The following RAB6A variants were observed in gnomAD, a reference collection of about 807,000 sequenced individuals.
RAB6A encodes the protein ras-related protein Rab-6A.
RAB6A carries 8 observed loss-of-function variants against 32.3 expected under a neutral mutation model. That is an observed-to-expected ratio of 0.25 (90% CI 0.15 to 0.45). The LOEUF (loss-of-function observed/expected upper bound fraction) is 0.45, where lower values mean the gene tolerates loss of function less well. Among genes scored for constraint, RAB6A ranks in the 20% least tolerant of loss-of-function variants. The pLI is 1.00. For synonymous variants in RAB6A, 73 were observed against 82.1 expected, an observed-to-expected ratio of 0.89 and a Z score of 0.60; for missense variants, 104 against 249.4, an observed-to-expected ratio of 0.42 and a Z score of 3.93.
intron 2 of RAB6A, 96 bp from the exon 3 acceptor site, chr11:73,720,995 G>A (rs1022936210): frequency 6.7e-6 from 6 of 893,410 alleles, no homozygotes; most frequent in Non-Finnish European, 1.1e-5. Context: ...AAGAAATAAT[G>A]AATAAACAAA....
At chr11:73,710,466 G>C (rs1166623891) in intron 5 of RAB6A, among the ~76,000 whole-genome samples, 1 of 151,640 alleles carries the variant, frequency 6.6e-6, no homozygotes, top group African/African-American at 2.4e-5. Flanking sequence ...AGCCGGGTGT[G>C]GTGGCTCACA....
At chr11:73,746,181 T>C (rs558956058) in intron 1 of RAB6A, among the ~76,000 whole-genome samples, 2 of 150,840 alleles carry the variant, frequency 1.3e-5, no homozygotes, top group African/African-American at 4.9e-5. Context: ...AAAAAAAAGC[T>C]GTTGTAAGCT....
intron 2 of RAB6A, among the ~76,000 whole-genome samples, chr11:73,723,042 A>C (rs1000754229): frequency 1.3e-5 from 2 of 152,078 alleles, no homozygotes; most frequent in Non-Finnish European, 2.9e-5. Flanking sequence ...CCTGGCCTCA[A>C]GTGATTCCCC....
chr11:73,746,734 C>G (rs1339513764), intron 1 of RAB6A, among the ~76,000 whole-genome samples: 1 of 151,042 alleles, frequency 6.6e-6, no homozygotes, highest in Non-Finnish European at 1.5e-5. Flanking sequence ...ACACTCCAAC[C>G]AGGGAGACGT....
chr11:73,760,130 G>C (rs1445722156), intron 1 of RAB6A: 1 of 1,293,042 alleles, frequency 7.7e-7, no homozygotes, highest in Admixed American at 2.3e-5. Context: ...CAAGGTTGAA[G>C]AGGGCCCGCT....
chr11:73,724,451 C>T (rs1946186086), intron 2 of RAB6A, among the ~76,000 whole-genome samples: 1 of 150,598 alleles, frequency 6.6e-6, no homozygotes, highest in Non-Finnish European at 1.5e-5. Flanking sequence ...CAATCATTAT[C>T]ATGCTAAGAT....
intron 5 of RAB6A, among the ~76,000 whole-genome samples, chr11:73,710,083 G>C (rs1282296036): frequency 6.7e-6 from 1 of 148,170 alleles, no homozygotes; most frequent in Non-Finnish European, 1.5e-5. Context: ...CTCAACCTCC[G>C]GAGTAGCTGG....
At chr11:73,750,326 A>G (rs543755927) in intron 1 of RAB6A, among the ~76,000 whole-genome samples, 1 of 151,840 alleles carries the variant, frequency 6.6e-6, no homozygotes, top group Admixed American at 6.6e-5. Context: ...TCCACATTGT[A>G]GCATGTGTCA....
intron 6 of RAB6A, among the ~76,000 whole-genome samples, chr11:73,687,239 A>G (rs1227659711): frequency 1.3e-5 from 2 of 152,118 alleles, no homozygotes; most frequent in Non-Finnish European, 2.9e-5. Context: ...GGAAATAAGG[A>G]GTTATTATTT....
chr11:73,749,712 A>G (rs1946644804), intron 1 of RAB6A, among the ~76,000 whole-genome samples: 1 of 152,198 alleles, frequency 6.6e-6, no homozygotes, highest in African/African-American at 2.4e-5. Context: ...AAACTTAAAA[A>G]TTAGCCAGGT....
At chr11:73,709,531 C>T (rs1474208052) in intron 5 of RAB6A, among the ~76,000 whole-genome samples, 1 of 148,682 alleles carries the variant, frequency 6.7e-6, no homozygotes, top group African/African-American at 2.5e-5. Flanking sequence ...AGTTTTCCTA[C>T]AGTTTGACCA....
chr11:73,749,693 T>G (rs909227044), intron 1 of RAB6A, among the ~76,000 whole-genome samples: 1 of 152,136 alleles, frequency 6.6e-6, no homozygotes, highest in South Asian at 2.1e-4. Context: ...AAGATCTATC[T>G]CTATGAAAAA....
In RAB6A at chr11:73,719,035, G is replaced by T. The variant is rs530717321; in HGVS notation, c.184-317C>A. 1.3e-5 allele frequency: 9 copies of T among 667,570 alleles called. No homozygotes were observed. In the African/African-American group the frequency reaches 1.6e-4, roughly 12 times the overall value. The allele number at this position is 667,570 out of a possible 1,614,324, so 41.4% of individuals were successfully genotyped here. A position where few individuals can be genotyped will look rare whatever the true frequency, so the allele number is the denominator to read the frequency against. On this transcript the variant is annotated intron_variant, in intron 3 of 7. Coordinates refer to ENST00000336083, the MANE Select transcript of RAB6A (RefSeq NM_198896.2). Reference sequence around the variant, plus strand: ...CAAGAGGTTGCAGGGAGTGAGGAATGAAAATAACACAAAACTCCTTTTTCA... The same window carrying T: ...CAAGAGGTTGCAGGGAGTGAGGAATTAAAATAACACAAAACTCCTTTTTCA...
intron 1 of RAB6A, among the ~76,000 whole-genome samples, chr11:73,736,354 G>C (rs916669599): frequency 2.0e-5 from 3 of 151,924 alleles, no homozygotes; most frequent in Non-Finnish European, 4.4e-5. Flanking sequence ...ACTTGAACCC[G>C]GGAGGCGGAG....
chr11:73,716,151 G>T, intron 5 of RAB6A, 100 bp downstream of exon 5: 1 of 873,578 alleles, frequency 1.1e-6, no homozygotes, highest in Non-Finnish European at 1.8e-6. Context: ...TAAACTTAAG[G>T]ATTAAGCATG....
chr11:73,716,400 G>T, intron 4 of RAB6A, 38 bp from the exon 5 acceptor site: 1 of 1,504,520 alleles, frequency 6.6e-7, no homozygotes, highest in Non-Finnish European at 9.2e-7. Context: ...TAGTGTTGCT[G>T]AAAAATGCCT....
At chr11:73,705,480 A>G (rs929021454) in intron 6 of RAB6A, among the ~76,000 whole-genome samples, 9 of 152,202 alleles carry the variant, frequency 5.9e-5, no homozygotes, top group African/African-American at 2.2e-4. Flanking sequence ...CCCTGGAGGC[A>G]GAGGTTGCAG....
chr11:73,689,845 G>C (rs1247422948), intron 6 of RAB6A, among the ~76,000 whole-genome samples: 1 of 137,816 alleles, frequency 7.3e-6, no homozygotes, highest in South Asian at 2.4e-4. Flanking sequence ...GCAGTGAGTG[G>C]ACATTGCAAC....
At chr11:73,701,815 T>G (rs970152496) in intron 6 of RAB6A, among the ~76,000 whole-genome samples, 7 of 151,896 alleles carry the variant, frequency 4.6e-5, no homozygotes, top group Non-Finnish European at 7.4e-5. Context: ...AATTTCTGTG[T>G]TTTTTTGTAG....
Sources: allele counts gnomAD v4.1 joint callset (sites outside exome capture counted in the v4.1 genomes callset), GRCh38; gene constraint gnomAD v4.1.1; transcripts MANE v1.5; gene names NCBI Gene and HGNC (gene_info 2026-07-23, HGNC 2026-07-21).